Variants in UBE2H observed in about 807,000 individuals in gnomAD.
UBE2H encodes the protein ubiquitin-conjugating enzyme E2 H.
Under a neutral mutation model 29.0 loss-of-function variants are expected in UBE2H, and 3 were observed. The observed-to-expected ratio is 0.10, with a 90% CI of 0.05 to 0.27. The LOEUF (loss-of-function observed/expected upper bound fraction) is 0.27, where lower values mean the gene tolerates loss of function less well. Ranked by LOEUF, UBE2H falls within the 10% of genes least tolerant of loss-of-function variation. UBE2H has a pLI of 1.00. For synonymous variants in UBE2H, 69 were observed against 82.9 expected, an observed-to-expected ratio of 0.83 and a Z score of 0.91; for missense variants, 68 against 228.2, an observed-to-expected ratio of 0.30 and a Z score of 4.52.
chr7:129,863,806 G>GTGTTTTTTTTTTTGTTTGTT (rs1467253062), intron 3 of UBE2H, among the ~76,000 whole-genome samples: 8 of 108,256 alleles, frequency 7.4e-5, no homozygotes, highest in African/African-American at 2.8e-4. Flanking sequence ...CCAATACTAG[G>GTGTTTTTTTTTTTGTTTGTT]TGTTTTTTTT....
chr7:129,867,691 G>C (rs1468025211), intron 3 of UBE2H, among the ~76,000 whole-genome samples: 1 of 54,268 alleles, frequency 1.8e-5, no homozygotes, highest in Non-Finnish European at 3.2e-5. Flanking sequence ...CTAAAACTTA[G>C]AGTATAATAA....
chr7:129,932,773 CAAAAAA>C (rs1208871059), intron 1 of UBE2H, among the ~76,000 whole-genome samples: 16 of 33,214 alleles, frequency 4.8e-4, no homozygotes, highest in African/African-American at 1.4e-3. Flanking sequence ...GACTCCGTCT[CAAAAAA>C]AAAAAAAAAA....
At chr7:129,843,806 A>G (rs904041965) in intron 5 of UBE2H, among the ~76,000 whole-genome samples, 3 of 152,204 alleles carry the variant, frequency 2.0e-5, no homozygotes, top group Admixed American at 6.5e-5. Context: ...CTCCTGCCAT[A>G]TTATTATTAC....
chr7:129,934,935 A>G (rs963935394), intron 1 of UBE2H, among the ~76,000 whole-genome samples: 30 of 142,934 alleles, frequency 2.1e-4, no homozygotes, highest in Non-Finnish European at 2.6e-4. Context: ...ATATGTGTAT[A>G]TATATATATA....
chr7:129,945,951 A>T (rs1807752972), intron 1 of UBE2H, among the ~76,000 whole-genome samples: 1 of 151,858 alleles, frequency 6.6e-6, no homozygotes, highest in Non-Finnish European at 1.5e-5. Context: ...TCTTCACGTT[A>T]GTCAAGCAGG....
intron 1 of UBE2H, among the ~76,000 whole-genome samples, chr7:129,904,549 A>C (rs990857667): frequency 6.6e-6 from 1 of 152,152 alleles, no homozygotes; most frequent in Non-Finnish European, 1.5e-5. Flanking sequence ...TATCATGAGT[A>C]CTATTTTGTC....
At chr7:129,873,548 C>T (rs565503486) in intron 3 of UBE2H, among the ~76,000 whole-genome samples, 18 of 151,754 alleles carry the variant, frequency 1.2e-4, no homozygotes, top group African/African-American at 4.1e-4. Context: ...GATTCTCCCA[C>T]CTCAGCCTCC....
intron 1 of UBE2H, among the ~76,000 whole-genome samples, chr7:129,888,983 T>A (rs1377636324): frequency 6.6e-6 from 1 of 152,132 alleles, no homozygotes; most frequent in Non-Finnish European, 1.5e-5. Flanking sequence ...AAACAGAGTG[T>A]GATTTGGACA....
At chr7:129,943,414 T>C (rs1020118422) in intron 1 of UBE2H, among the ~76,000 whole-genome samples, 5 of 152,198 alleles carry the variant, frequency 3.3e-5, no homozygotes, top group Admixed American at 3.3e-4. Flanking sequence ...AAAAATTTAA[T>C]TTACTAATTT....
intron 5 of UBE2H, among the ~76,000 whole-genome samples, chr7:129,850,642 G>A (rs1218866917): frequency 6.6e-6 from 1 of 152,006 alleles, no homozygotes; most frequent in Non-Finnish European, 1.5e-5. Flanking sequence ...ATGGTGAAAT[G>A]CTATCTCTAC....
intron 3 of UBE2H, among the ~76,000 whole-genome samples, chr7:129,866,705 G>A (rs1380472697): frequency 6.6e-6 from 1 of 152,128 alleles, no homozygotes; most frequent in Non-Finnish European, 1.5e-5. Context: ...AATAGCACAT[G>A]TACCCCAAAA....
At chr7:129,880,633 C>G (rs1806234630) in intron 2 of UBE2H, among the ~76,000 whole-genome samples, 1 of 152,158 alleles carries the variant, frequency 6.6e-6, no homozygotes, top group Non-Finnish European at 1.5e-5. Flanking sequence ...AGGTTACATG[C>G]AAATTCTATG....
At chr7:129,909,414 G>A (rs951726296) in intron 1 of UBE2H, among the ~76,000 whole-genome samples, 8 of 152,156 alleles carry the variant, frequency 5.3e-5, no homozygotes, top group African/African-American at 1.7e-4. Context: ...TCCAAGGAGT[G>A]AGCTGCAAGG....
intron 2 of UBE2H, 166 bp downstream of exon 2, chr7:129,880,729 T>A: frequency 1.7e-6 from 1 of 584,374 alleles, no homozygotes; most frequent in Non-Finnish European, 2.9e-6. Context: ...AAGGGATGAC[T>A]GTATATAAAG....
chr7:129,839,488 C>A, intron 5 of UBE2H, 153 bp from the exon 6 acceptor site: 1 of 902,530 alleles, frequency 1.1e-6, no homozygotes. Context: ...TTGTATTACA[C>A]ATTCATTTCA....
intron 1 of UBE2H, among the ~76,000 whole-genome samples, chr7:129,948,783 C>T (rs1045926815): frequency 1.3e-5 from 2 of 152,122 alleles, no homozygotes; most frequent in Admixed American, 6.5e-5. Flanking sequence ...CATTATTATC[C>T]GATCTACTTT....
chr7:129,887,775 T>G (rs1023303377), intron 1 of UBE2H, among the ~76,000 whole-genome samples: 2 of 152,092 alleles, frequency 1.3e-5, no homozygotes, highest in Non-Finnish European at 2.9e-5. Flanking sequence ...GGCACATGCC[T>G]GTAATCCCAG....
intron 2 of UBE2H, among the ~76,000 whole-genome samples, chr7:129,879,995 A>C (rs1042368553): frequency 2.6e-5 from 4 of 152,064 alleles, no homozygotes; most frequent in Non-Finnish European, 4.4e-5. Flanking sequence ...AACAAAAAAC[A>C]TTTCCTGGAA....
At chr7:129,946,435 T>A (rs1807767394) in intron 1 of UBE2H, among the ~76,000 whole-genome samples, 1 of 152,096 alleles carries the variant, frequency 6.6e-6, no homozygotes, top group South Asian at 2.1e-4. Context: ...TACAGTATGA[T>A]CAACAGGTTG....
Sources: gnomAD v4.1 joint callset for allele counts (sites outside exome capture counted in the v4.1 genomes callset) on GRCh38, gnomAD v4.1.1 for gene constraint, MANE v1.5 for transcripts, NCBI Gene and HGNC (gene_info 2026-07-23, HGNC 2026-07-21) for gene names.